Variants in CAAP1 observed in about 807,000 individuals in gnomAD.
CAAP1 encodes caspase activity and apoptosis inhibitor 1.
A neutral mutation model predicts 34.0 loss-of-function variants in CAAP1; 20 were observed. The observed-to-expected ratio is 0.59, with a 90% CI of 0.41 to 0.86. The LOEUF is 0.86. CAAP1 is among the 40% of genes least tolerant of loss of function. The pLI, the probability that CAAP1 is intolerant of heterozygous loss-of-function variation, is 0.00. For synonymous variants in CAAP1, 213 were observed against 166.7 expected (o/e 1.28, Z -2.14); for missense variants, 538 against 450.5 (o/e 1.19, Z -1.76).
chr9:26,892,795 C>G lies in CAAP1; in HGVS notation c.-80G>C. The G allele has an allele frequency of 4.4e-6, 6 of 1,370,526 alleles. No individual in the cohort carries two copies. Among genetic ancestry groups the G allele is most frequent in the Non-Finnish European group, 5.9e-6 (6 of 1,019,056 alleles). 84.9% of individuals were successfully genotyped at this position (1,370,526 alleles called of 1,614,324 possible). The stretch of plus-strand genomic sequence containing the variant: ...GCCCGACTCCTGCGGCCGTGGGCGG[C>G]AGGCACTGGCGTCGCAGGTTATGCG... On this transcript the variant is annotated 5_prime_UTR_variant, in exon 1 of 6. Coordinates refer to ENST00000333916, the MANE Select transcript of CAAP1 (RefSeq NM_024828.4).
intron 5 of CAAP1, among the ~76,000 whole-genome samples, chr9:26,850,700 A>C (rs1822725731): frequency 6.6e-6 from 1 of 152,218 alleles, no homozygotes; most frequent in South Asian, 2.1e-4. Context: ...AAGCTTTGGC[A>C]TCTATGATGC....
At chr9:26,854,149 CAG>C (rs1266871314) in intron 5 of CAAP1, among the ~76,000 whole-genome samples, 1 of 152,148 alleles carries the variant, frequency 6.6e-6, no homozygotes, top group Non-Finnish European at 1.5e-5. Context: ...ACAATGATAA[CAG>C]AAATAATTAC....
At chr9:26,854,272 T>C (rs1587094316) in intron 5 of CAAP1, among the ~76,000 whole-genome samples, 1 of 152,336 alleles carries the variant, frequency 6.6e-6, no homozygotes, top group East Asian at 1.9e-4. Flanking sequence ...GGCATTCATA[T>C]TTACTATCCT....
chr9:26,872,243 T>C (rs963268679), intron 4 of CAAP1, among the ~76,000 whole-genome samples: 17 of 152,174 alleles, frequency 1.1e-4, no homozygotes, highest in Admixed American at 5.9e-4. Flanking sequence ...GTTCTTTCAT[T>C]CTATCTTCTC....
chr9:26,857,226 G>A (rs1822890606), intron 5 of CAAP1, among the ~76,000 whole-genome samples: 1 of 152,200 alleles, frequency 6.6e-6, no homozygotes, highest in Admixed American at 6.5e-5. Flanking sequence ...AGCTTGCACA[G>A]GTATGCGCAT....
chr9:26,843,624 A>C (rs1204034354), intron 5 of CAAP1, among the ~76,000 whole-genome samples: 1 of 152,106 alleles, frequency 6.6e-6, no homozygotes, highest in Non-Finnish European at 1.5e-5. Flanking sequence ...ATGATCCCCA[A>C]AATGTTAGCT....
At chr9:26,887,024 G>A (rs1328475128) in intron 2 of CAAP1, among the ~76,000 whole-genome samples, 1 of 152,080 alleles carries the variant, frequency 6.6e-6, no homozygotes, top group East Asian at 1.9e-4. Flanking sequence ...GACCAGCCTG[G>A]CCAACACGGT....
At chr9:26,883,301 T>C (rs958092595) in intron 4 of CAAP1, among the ~76,000 whole-genome samples, 48 of 152,142 alleles carry the variant, frequency 3.2e-4, no homozygotes, top group Admixed American at 1.0e-3. Context: ...AACTGAATCA[T>C]GGGGGTGGTT....
At chr9:26,890,760 ACGGTGAAACCCCGT>A (rs1245433354) in intron 1 of CAAP1, among the ~76,000 whole-genome samples, 1 of 152,192 alleles carries the variant, frequency 6.6e-6, no homozygotes, top group Non-Finnish European at 1.5e-5. Context: ...CCTGGCTAAC[ACGGTGAAACCCCGT>A]CTCTACTGAA....
At chr9:26,871,459 C>G (rs1288997538) in intron 4 of CAAP1, among the ~76,000 whole-genome samples, 1 of 151,634 alleles carries the variant, frequency 6.6e-6, no homozygotes, top group Non-Finnish European at 1.5e-5. Context: ...CGCCTGTAAT[C>G]CCAGCTACTC....
Position 26,871,914 on chromosome 9 carries a change from A to AAAATAAATAAAT in CAAP1, c.666-10787_666-10776dup, listed in dbSNP as rs539844823. Among the ~76,000 whole-genome samples the AAAATAAATAAAT allele has an allele frequency of 5.6e-3, 838 of 149,758 alleles. 13 individuals carry two copies. The highest frequency in any genetic ancestry group is 0.02 in the African/African-American group (792 of 39,482). On this transcript the variant is annotated intron_variant, in intron 4 of 5. Coordinates refer to ENST00000333916, the MANE Select transcript of CAAP1 (RefSeq NM_024828.4). ...GGGCGACAGAGCCAGACTTCATCTC[A>AAAATAAATAAAT]AAATAAATAAATAAATAAATAAATA...
At chr9:26,867,465 T>A (rs951618653) in intron 4 of CAAP1, among the ~76,000 whole-genome samples, 3 of 152,090 alleles carry the variant, frequency 2.0e-5, no homozygotes, top group Admixed American at 2.0e-4. Context: ...TATTCATATC[T>A]GTAGTCCCTT....
rs1822470262 is a variant in CAAP1 at position 26,841,168 on chromosome 9, C to T, written c.*1133G>A. The T allele has an allele frequency of 6.6e-6, 1 of 152,026 alleles. No individual in the cohort carries two copies. The allele number at this position is 152,026 out of a possible 1,614,324, so 9.4% of individuals were successfully genotyped here. A position where few individuals can be genotyped will look rare whatever the true frequency, so the allele number is the denominator to read the frequency against. On this transcript the variant is annotated 3_prime_UTR_variant, in exon 6 of 6. Coordinates refer to ENST00000333916, the MANE Select transcript of CAAP1 (RefSeq NM_024828.4). ...GCAACTTTTATATATAAGGAAAGTC[C>T]TCATACAGTATCAGTAGACCATGGC...
intron 5 of CAAP1, among the ~76,000 whole-genome samples, chr9:26,845,216 T>G (rs1158939266): frequency 6.6e-6 from 1 of 152,254 alleles, no homozygotes; most frequent in African/African-American, 2.4e-5. Context: ...GTTTCCTTGG[T>G]GCTTAAAACA....
intron 5 of CAAP1, among the ~76,000 whole-genome samples, chr9:26,847,181 A>G (rs1333015393): frequency 7.4e-6 from 1 of 134,356 alleles, no homozygotes; most frequent in Non-Finnish European, 1.6e-5. Flanking sequence ...CGTTTTTACT[A>G]GTAAGTAAAA....
intron 4 of CAAP1, among the ~76,000 whole-genome samples, chr9:26,869,638 TTTC>T (rs1823225813): frequency 6.6e-6 from 1 of 152,228 alleles, no homozygotes; most frequent in South Asian, 2.1e-4. Flanking sequence ...CAATTAATCT[TTTC>T]TTATTAATAG....
In CAAP1 at chr9:26,855,814, G is replaced by C. The variant is rs1046434060; in HGVS notation, c.739+5252C>G. ...CTGCTTTCCCTAATGAACTGGGTAA[G>C]AGCGTAATGACTAAAAAGAACTCAG... On this transcript the variant is annotated intron_variant, in intron 5 of 5. Transcript: ENST00000333916. Among the ~76,000 whole-genome samples the C allele has an allele frequency of 1.8e-4, 27 of 152,136 alleles. 1 individual carries two copies. Among genetic ancestry groups the C allele is most frequent in the Non-Finnish European group, 1.5e-5 (1 of 68,022 alleles).
Position 26,892,434 on chromosome 9 carries a change from G to C in CAAP1, c.282C>G (p.Ser94Arg), listed in dbSNP as rs913283567. Residue 94 changes from serine (S) to arginine (R), a missense_variant, in exon 1 of 6, where the codon AGC becomes AGG. Ser to Arg is a moderately radical substitution (Grantham distance 110). This residue lies in a region of CAAP1 where 514 missense variants were observed against 408.4 expected (regional missense o/e 1.26). Transcript: ENST00000333916. ...GCACCTGCTGCAAGGAGCCCGAGAC[G>C]CTGGAAGAGTCGGTACTCCTCCGCT... ...RRKRRSTDSS[S>R]VSGSLQQETK... is the part of the protein sequence containing the mutation. 57 of 1,602,434 alleles carry C rather than the reference G, an allele frequency of 3.6e-5. No individual in the cohort carries two copies. Among genetic ancestry groups the C allele is most frequent in the Non-Finnish European group, 4.7e-5 (55 of 1,176,446 alleles).
intron 4 of CAAP1, among the ~76,000 whole-genome samples, chr9:26,873,498 T>A (rs892863892): frequency 6.6e-6 from 1 of 152,212 alleles, no homozygotes; most frequent in African/African-American, 2.4e-5. Context: ...TCCTTATATA[T>A]GAAATCTCAA....
Sources: allele counts gnomAD v4.1 joint callset (sites outside exome capture counted in the v4.1 genomes callset), GRCh38; gene constraint gnomAD v4.1.1; regional missense constraint gnomAD v4.1.1; transcripts MANE v1.5; gene names NCBI Gene and HGNC (gene_info 2026-07-23, HGNC 2026-07-21).